CCND3: variants seen among roughly 807,000 people sequenced by gnomAD.
CCND3 encodes the protein cyclin D3.
CCND3 carries 9 observed loss-of-function variants against 28.7 expected under a neutral mutation model. The observed-to-expected ratio is 0.31, with a 90% confidence interval of 0.19 to 0.55. The LOEUF (loss-of-function observed/expected upper bound fraction) is 0.55, where lower values mean the gene tolerates loss of function less well. Among genes scored for constraint, CCND3 ranks in the 20% least tolerant of loss-of-function variants. CCND3 has a pLI of 0.93. For synonymous variants in CCND3, 164 were observed against 163.9 expected (o/e 1.00, Z 0.00); for missense variants, 315 against 385.8 (o/e 0.82, Z 1.54).
intron 1 of CCND3, among the ~76,000 whole-genome samples, chr6:41,947,152 T>G (rs1300712949): frequency 2.6e-5 from 4 of 151,252 alleles, no homozygotes; most frequent in Non-Finnish European, 5.9e-5. Flanking sequence ...ACCCACCAGG[T>G]AGAGGTTGCA....
intron 1 of CCND3, among the ~76,000 whole-genome samples, chr6:41,973,687 T>C (rs1186085145): frequency 6.6e-6 from 1 of 152,128 alleles, no homozygotes; most frequent in African/African-American, 2.4e-5. Flanking sequence ...AAAATGACAA[T>C]AATAATAAAA....
chr6:41,996,178 T>G (rs1318857838), intron 1 of CCND3, among the ~76,000 whole-genome samples: 1 of 149,942 alleles, frequency 6.7e-6, no homozygotes, highest in Non-Finnish European at 1.5e-5. Context: ...ACATGGACTT[T>G]CACTCTTGTC....
At chr6:41,972,627 T>C (rs1762066100) in intron 1 of CCND3, among the ~76,000 whole-genome samples, 1 of 152,142 alleles carries the variant, frequency 6.6e-6, no homozygotes, top group Admixed American at 6.6e-5. Context: ...GCCTGGAAAG[T>C]GCACAGTACT....
At chr6:41,957,213 T>C (rs927717872) in intron 1 of CCND3, among the ~76,000 whole-genome samples, 2 of 152,246 alleles carry the variant, frequency 1.3e-5, no homozygotes, top group Non-Finnish European at 2.9e-5. Context: ...TGCTTCCAGA[T>C]AGATCCAAAT....
chr6:41,998,760 A>G (rs1582146131), intron 1 of CCND3, among the ~76,000 whole-genome samples: 1 of 151,196 alleles, frequency 6.6e-6, no homozygotes, highest in Non-Finnish European at 1.5e-5. Context: ...CCTCACCGCA[A>G]CCTCTGTCTC....
intron 1 of CCND3, among the ~76,000 whole-genome samples, chr6:42,034,605 G>A (rs1764148710): frequency 6.7e-6 from 1 of 148,978 alleles, no homozygotes; most frequent in African/African-American, 2.5e-5. Context: ...AGCCTCCCGA[G>A]TAGCTGGGAC....
At chr6:41,937,138 G>T in intron 3 of CCND3, 97 bp downstream of exon 3, 1 of 1,368,700 alleles carries the variant, frequency 7.3e-7, no homozygotes. Context: ...TTTCACAAAG[G>T]AATTTTGACA....
chr6:41,991,016 T>C (rs562231373), intron 1 of CCND3, among the ~76,000 whole-genome samples: 1 of 150,584 alleles, frequency 6.6e-6, no homozygotes, highest in African/African-American at 2.4e-5. Flanking sequence ...CCAAGAACAC[T>C]CACTGGGGAA....
In CCND3 at chr6:41,941,785, G is replaced by GCCGCC. The variant is rs1554158033; in HGVS notation, c.-137_-136insGGCGG. 5 of 2,318 alleles carry GCCGCC rather than the reference G, an allele frequency of 2.2e-3. No individual in the cohort carries two copies. The highest frequency in any genetic ancestry group is 0.019 in the Admixed American group (1 of 52). 0.1% of individuals were successfully genotyped at this position (2,318 alleles called of 1,614,324 possible). Reference sequence around the variant, plus strand: ...CGGATCCCCAGCCCGCCCGCCGCCCGCGCGCGCGCGCCGCTTCCCTGACAG... The same window carrying GCCGCC: ...CGGATCCCCAGCCCGCCCGCCGCCCGCCGCCCGCGCGCGCGCCGCTTCCCTGACAG... On this transcript the variant is annotated 5_prime_UTR_variant, in exon 1 of 5. Transcript: ENST00000372991. This position sits in a 1 kb window ranked among gnomAD's most constrained non-coding sequence, Gnocchi z 6.1.
Position 41,973,476 on chromosome 6 carries a change from A to G in CCND3, c.-45-32891T>C, listed in dbSNP as rs547982589. The stretch of plus-strand genomic sequence containing the variant: ...ATAGAATATTGCTCTATAATAGAAA[A>G]TTGTACTATGTTATATAGACTACTG... On this transcript the variant is annotated intron_variant, in intron 1 of 4. Coordinates refer to the CCND3 transcript ENST00000372988. 8.5e-5 allele frequency among the ~76,000 whole-genome samples: 13 copies of G among 152,240 alleles called. No homozygotes were observed. The East Asian group carries it at 2.1e-3, about 25-fold the overall frequency.
chr6:41,974,190 C>G (rs145186485), intron 1 of CCND3, among the ~76,000 whole-genome samples: 6 of 151,980 alleles, frequency 3.9e-5, no homozygotes, highest in African/African-American at 1.4e-4. Context: ...CTCGAAGAAA[C>G]AAAACAAAAC....
chr6:41,977,234 G>A (rs1762209938), intron 1 of CCND3, among the ~76,000 whole-genome samples: 1 of 152,096 alleles, frequency 6.6e-6, no homozygotes, highest in Non-Finnish European at 1.5e-5. Flanking sequence ...AAAATTTTGA[G>A]ACCAAAAAGT....
chr6:42,041,568 A>T (rs1396426704), intron 1 of CCND3, among the ~76,000 whole-genome samples: 2 of 152,200 alleles, frequency 1.3e-5, no homozygotes, highest in African/African-American at 4.8e-5. Flanking sequence ...CAGAAAAGAC[A>T]ATGGAGCTGG....
chr6:42,016,272 A>G (rs928935064), intron 1 of CCND3, among the ~76,000 whole-genome samples: 5 of 152,194 alleles, frequency 3.3e-5, no homozygotes, highest in East Asian at 1.9e-4. Flanking sequence ...ACCATGTTGT[A>G]CGATACGTCT....
At chr6:41,988,844 G>A (rs1054974473) in intron 1 of CCND3, among the ~76,000 whole-genome samples, 1 of 151,034 alleles carries the variant, frequency 6.6e-6, no homozygotes, top group East Asian at 1.9e-4. Flanking sequence ...GACTACAGGC[G>A]CCTGCCACCG....
chr6:42,000,233 A>C (rs368318018), intron 1 of CCND3, among the ~76,000 whole-genome samples: 6 of 31,234 alleles, frequency 1.9e-4, no homozygotes, highest in East Asian at 1.3e-3. Context: ...TTGAAAACAT[A>C]CTTTTTTTTT....
intron 1 of CCND3, among the ~76,000 whole-genome samples, chr6:41,964,352 GTC>G (rs1480494295): frequency 6.8e-6 from 1 of 148,036 alleles, no homozygotes; most frequent in African/African-American, 2.5e-5. Flanking sequence ...ATGTGTGTGA[GTC>G]TGTGTGTGTA....
intron 1 of CCND3, among the ~76,000 whole-genome samples, chr6:41,956,310 T>G (rs927263574): frequency 2.6e-5 from 4 of 151,870 alleles, no homozygotes; most frequent in African/African-American, 9.6e-5. Flanking sequence ...TAAAATAAAA[T>G]AAAATAAATA....
intron 1 of CCND3, among the ~76,000 whole-genome samples, chr6:41,981,062 T>G (rs1762331736): frequency 6.6e-6 from 1 of 151,948 alleles, no homozygotes; most frequent in Non-Finnish European, 1.5e-5. Flanking sequence ...AAGCATAAGA[T>G]GGGGAGGGAA....
Sources: allele counts gnomAD v4.1 joint callset (sites outside exome capture counted in the v4.1 genomes callset), GRCh38; gene constraint gnomAD v4.1.1; non-coding constraint Gnocchi (gnomAD v3.1); transcripts MANE v1.5; gene names NCBI Gene and HGNC (gene_info 2026-07-23, HGNC 2026-07-21).